CEMIP: variants seen among roughly 807,000 people sequenced by gnomAD.
CEMIP encodes the protein cell migration-inducing and hyaluronan-binding protein.
A neutral mutation model predicts 156.9 loss-of-function variants in CEMIP; 105 were observed. That is an observed-to-expected ratio of 0.67 (90% CI 0.57 to 0.79). The LOEUF is 0.79. CEMIP is among the 30% of genes least tolerant of loss of function. CEMIP has a pLI of 0.00. For synonymous variants in CEMIP, 676 were observed against 668.4 expected (o/e 1.01, Z -0.17); for missense variants, 1,457 against 1,769.4 (o/e 0.82, Z 3.17).
At chr15:80,816,763 G>A (rs919839381) in intron 1 of CEMIP, among the ~76,000 whole-genome samples, 6 of 152,208 alleles carry the variant, frequency 3.9e-5, no homozygotes, top group Middle Eastern at 3.4e-3. Flanking sequence ...TCAAACGAGG[G>A]TGAGAGGACA....
chr15:80,799,451 A>G (rs1461805108), intron 1 of CEMIP, among the ~76,000 whole-genome samples: 1 of 152,208 alleles, frequency 6.6e-6, no homozygotes, highest in Non-Finnish European at 1.5e-5. Flanking sequence ...GTCTGGAGAG[A>G]AGTCACAATT....
chr15:80,830,589 A>C (rs1897136311), intron 1 of CEMIP, among the ~76,000 whole-genome samples: 1 of 152,152 alleles, frequency 6.6e-6, no homozygotes. Flanking sequence ...GGCACCTTGG[A>C]GTTGCCGGGG....
Position 80,921,096 on chromosome 15 carries a change from T to C in CEMIP, c.2068T>C (p.Ser690Pro). 6.2e-7 allele frequency: 1 copy of C among 1,613,958 alleles called. No individual in the cohort carries two copies. The highest frequency in any genetic ancestry group is 8.5e-7 in the Non-Finnish European group (1 of 1,179,894). Reference sequence around the variant, plus strand: ...CCTCATCAACTGTGCCGCTGCAGGATCTGAGGTGAGCAGAAATATTCCTTC... The same window carrying C: ...CCTCATCAACTGTGCCGCTGCAGGACCTGAGGTGAGCAGAAATATTCCTTC... ...NNLINCAAAG[S>P]EETGFWFIFH... The change falls in exon 16 of 30, where the codon TCT (serine) becomes CCT (proline). Residue 690 changes from serine (S) to proline (P), a missense_variant. Physicochemically the swap from Ser to Pro is moderately conservative, Grantham distance 74. Coordinates refer to ENST00000394685, the MANE Select transcript of CEMIP (RefSeq NM_001293298.2).
chr15:80,861,969 G>A (rs28523272), intron 1 of CEMIP, among the ~76,000 whole-genome samples: 3,726 of 152,244 alleles, frequency 0.024, 150 homozygotes, highest in African/African-American at 0.085. Flanking sequence ...TTTAGCTGCC[G>A]GCTCTGAGGA....
chr15:80,865,642 G>A (rs1239507414), intron 1 of CEMIP, among the ~76,000 whole-genome samples: 1 of 148,638 alleles, frequency 6.7e-6, no homozygotes, highest in Non-Finnish European at 1.5e-5. Flanking sequence ...TGAAAATTAT[G>A]CACAGCCCTT....
At chr15:80,836,459 A>G (rs73501034) in intron 1 of CEMIP, among the ~76,000 whole-genome samples, 2,529 of 152,356 alleles carry the variant, frequency 0.017, 64 homozygotes, top group African/African-American at 0.059. Flanking sequence ...ATTCATGAAC[A>G]TGGCAGACAT....
intron 24 of CEMIP, 148 bp from the exon 25 acceptor site, chr15:80,937,646 C>G (rs1250702693): frequency 5.5e-6 from 4 of 723,580 alleles, no homozygotes; most frequent in Admixed American, 4.2e-5. Context: ...TCAGTCACCA[C>G]GACAGCAAAT....
Position 80,889,605 on chromosome 15 carries a change from C to T in CEMIP, c.1086+13C>T, listed in dbSNP as rs376313030. 224 of 1,613,826 alleles carry T rather than the reference C, an allele frequency of 1.4e-4. No homozygotes were observed. Among genetic ancestry groups the T allele is most frequent in the Non-Finnish European group, 1.8e-4 (210 of 1,179,878 alleles). On this transcript the variant is annotated intron_variant, in intron 10 of 29. Coordinates refer to ENST00000394685, the MANE Select transcript of CEMIP (RefSeq NM_001293298.2). ...CATTGATATACAGGTACCAAACTCA[C>T]AGCAAAAATAGAAAATAGAAATGTG...
rs756897552 is a variant in CEMIP, at chr15:80,948,936, G to A, written c.*12G>A. 41 of 1,614,008 alleles carry A rather than the reference G, an allele frequency of 2.5e-5. No individual in the cohort carries two copies. The highest frequency in any genetic ancestry group is 1.6e-4 in the Middle Eastern group (1 of 6,084). ...AGAAGAAGTTGTGAGGACAGCTGCCGCCCGGTGCCACCTCGTGGTAGACTA... is the reference window on the plus strand; with the variant it reads ...AGAAGAAGTTGTGAGGACAGCTGCCACCCGGTGCCACCTCGTGGTAGACTA... On this transcript the variant is annotated 3_prime_UTR_variant, in exon 30 of 30. Transcript: ENST00000394685.
At position 80,801,440 on chromosome 15, in the gene CEMIP, C is replaced by T. The variant is rs549091255; in HGVS notation, c.-176+21826C>T. On this transcript the variant is annotated intron_variant, in intron 1 of 29. Coordinates refer to ENST00000394685, the MANE Select transcript of CEMIP (RefSeq NM_001293298.2). ...CAGTAGACTAGCCTGGGTTTGTTCT[C>T]GAGGTGACTGATGCTGTTCTGTGAG... 5.3e-5 allele frequency among the ~76,000 whole-genome samples: 8 copies of T among 152,288 alleles called. No individual in the cohort carries two copies. The South Asian group carries it at 1.2e-3, about 24-fold the overall frequency.
At position 80,841,506 on chromosome 15, in the gene CEMIP, G is replaced by A. The variant is rs143595250; in HGVS notation, c.-175-32032G>A. Reference sequence around the variant, plus strand: ...CCACTCTGTTGGTACAGACATGGGGGAAGCGGGCAAGGGATATGACTTCTA... The same window carrying A: ...CCACTCTGTTGGTACAGACATGGGGAAAGCGGGCAAGGGATATGACTTCTA... On this transcript the variant is annotated intron_variant, in intron 1 of 29. Coordinates refer to ENST00000394685, the MANE Select transcript of CEMIP (RefSeq NM_001293298.2). Among the ~76,000 whole-genome samples the A allele has an allele frequency of 3.3e-3, 510 of 152,350 alleles. 2 individuals carry two copies. Among genetic ancestry groups the A allele is most frequent in the African/African-American group, 0.012 (484 of 41,574 alleles).
intron 23 of CEMIP, among the ~76,000 whole-genome samples, chr15:80,936,278 T>C (rs139377245): frequency 4.7e-4 from 72 of 152,360 alleles, no homozygotes; most frequent in African/African-American, 1.6e-3. Flanking sequence ...CTGCCAGTTA[T>C]AGGCGAGTTG....
chr15:80,829,563 A>G (rs1897110469), intron 1 of CEMIP, among the ~76,000 whole-genome samples: 1 of 152,222 alleles, frequency 6.6e-6, no homozygotes, highest in South Asian at 2.1e-4. Context: ...ACGGAACCCT[A>G]GGATTTACAC....
At chr15:80,896,200 C>T (rs1256320215) in intron 12 of CEMIP, 140 bp downstream of exon 12, 1 of 852,164 alleles carries the variant, frequency 1.2e-6, no homozygotes, top group Non-Finnish European at 1.9e-6. Flanking sequence ...CTTAAAACTT[C>T]ATGACAGGTC....
intron 1 of CEMIP, among the ~76,000 whole-genome samples, chr15:80,789,693 G>A (rs1896030984): frequency 1.3e-5 from 2 of 152,160 alleles, no homozygotes; most frequent in African/African-American, 4.8e-5. Context: ...AACTTTCCAG[G>A]TGACTGAGAA....
At chr15:80,879,373 C>T (rs1019927076) in intron 4 of CEMIP, among the ~76,000 whole-genome samples, 1 of 152,152 alleles carries the variant, frequency 6.6e-6, no homozygotes, top group Admixed American at 6.5e-5. Context: ...ACTATTTATA[C>T]AGTATTTACA....
intron 12 of CEMIP, among the ~76,000 whole-genome samples, chr15:80,902,127 T>C (rs1899588379): frequency 6.6e-6 from 1 of 152,220 alleles, no homozygotes; most frequent in Non-Finnish European, 1.5e-5. Flanking sequence ...AGGTCTTTGA[T>C]GTTTTTTCTT....
intron 3 of CEMIP, 68 bp from the exon 4 acceptor site, chr15:80,878,653 T>C (rs1898546493): frequency 6.2e-7 from 1 of 1,606,858 alleles, no homozygotes; most frequent in Non-Finnish European, 8.5e-7. Flanking sequence ...AGCCCCCTTT[T>C]GGCCTGTAGC....
Position 80,929,027 on chromosome 15 carries a change from C to A in CEMIP, c.2465C>A (p.Thr822Asn), listed in dbSNP as rs778011593. The A allele has an allele frequency of 9.3e-6, 15 of 1,614,190 alleles. No individual in the cohort carries two copies. The highest frequency in any genetic ancestry group is 3.3e-5 in the Admixed American group (2 of 60,028). The change falls in exon 21 of 30, where the codon ACC becomes AAC. Residue 822 changes from threonine to asparagine, a missense_variant. This residue lies in a region of CEMIP where 798 missense variants were observed against 980.1 expected (regional missense o/e 0.81). Coordinates refer to ENST00000394685, the MANE Select transcript of CEMIP (RefSeq NM_001293298.2). ...ACATCTTCTCTCTACAGTGGTGGAA[C>A]CTTCCCGTATGACGACGGCTCCAAG... Reference protein sequence around the residue: ...GIGLTLASGGTFPYDDGSKQE... With the variant: ...GIGLTLASGGNFPYDDGSKQE...
Sources: allele counts gnomAD v4.1 joint callset (sites outside exome capture counted in the v4.1 genomes callset), GRCh38; gene constraint gnomAD v4.1.1; regional missense constraint gnomAD v4.1.1; transcripts MANE v1.5; gene names NCBI Gene and HGNC (gene_info 2026-07-23, HGNC 2026-07-21).